The following CHST9 variants were observed in gnomAD, a reference collection of about 807,000 sequenced individuals.
CHST9 encodes the protein carbohydrate sulfotransferase 9.
A neutral mutation model predicts 44.4 loss-of-function variants in CHST9; 41 were observed. The observed-to-expected ratio is 0.92, with a 90% CI of 0.72 to 1.20. CHST9 has a LOEUF of 1.20. CHST9 is among the 50% of genes most tolerant of loss of function. The pLI is 0.00. For missense variants in CHST9, 504 were observed against 516.5 expected (o/e 0.98, Z 0.23); for synonymous variants, 171 against 178.4 (o/e 0.96, Z 0.33).
intron 2 of CHST9, among the ~76,000 whole-genome samples, chr18:27,141,513 C>T (rs1282419195): frequency 6.9e-6 from 1 of 144,290 alleles, no homozygotes. Flanking sequence ...ATCACTTGAA[C>T]CTGGGAGGCA....
At chr18:27,111,768 C>A (rs908566796) in intron 2 of CHST9, among the ~76,000 whole-genome samples, 3 of 152,190 alleles carry the variant, frequency 2.0e-5, no homozygotes, top group African/African-American at 7.2e-5. Context: ...CGACACATCA[C>A]CCTCCCCAAG....
At chr18:27,125,672 G>A (rs766271088) in intron 2 of CHST9, among the ~76,000 whole-genome samples, 2 of 152,186 alleles carry the variant, frequency 1.3e-5, no homozygotes, top group African/African-American at 2.4e-5. Flanking sequence ...CAATGGGAAA[G>A]AAGAAAATGG....
intron 2 of CHST9, among the ~76,000 whole-genome samples, chr18:27,102,392 G>A (rs1369752137): frequency 6.6e-6 from 1 of 152,100 alleles, no homozygotes; most frequent in Non-Finnish European, 1.5e-5. Context: ...GAGAAACAAG[G>A]GCTGTGATTT....
intron 4 of CHST9, among the ~76,000 whole-genome samples, chr18:27,023,162 G>A (rs2057245377): frequency 6.6e-6 from 1 of 152,078 alleles, no homozygotes; most frequent in South Asian, 2.1e-4. Flanking sequence ...CCTGCCATGT[G>A]AGATCATGAA....
chr18:27,081,954 T>C (rs992841718), intron 2 of CHST9, among the ~76,000 whole-genome samples: 14 of 152,182 alleles, frequency 9.2e-5, no homozygotes, highest in Middle Eastern at 3.2e-3. Context: ...AAGCTTTCTA[T>C]CTCCAAGATG....
rs201611195 is a variant in CHST9 at position 27,064,056 on chromosome 18, C to CT, written c.122-15554dup. Among the ~76,000 whole-genome samples the CT allele has an allele frequency of 2.2e-3, 332 of 151,204 alleles. 2 individuals carry two copies. Among genetic ancestry groups the CT allele is most frequent in the Admixed American group, 0.019 (295 of 15,142 alleles). On this transcript the variant is annotated intron_variant, in intron 2 of 5. Transcript: ENST00000618847. ...AATACCTATGGGCTATATACAGAGA[C>CT]TTTTTTTTTAAGCTCTGTTGTGACA...
intron 4 of CHST9, among the ~76,000 whole-genome samples, chr18:27,021,767 G>A (rs768909110): frequency 2.0e-5 from 3 of 152,144 alleles, no homozygotes; most frequent in Non-Finnish European, 2.9e-5. Flanking sequence ...TATCTTTAAT[G>A]CTCTCAGTAA....
At chr18:26,954,300 T>C (rs965953962) in intron 4 of CHST9, among the ~76,000 whole-genome samples, 2 of 152,194 alleles carry the variant, frequency 1.3e-5, no homozygotes, top group African/African-American at 4.8e-5. Context: ...AAGAAGTCCA[T>C]GGGTAGCAGG....
chr18:27,027,085 G>T (rs746036738), intron 3 of CHST9, among the ~76,000 whole-genome samples: 2 of 152,152 alleles, frequency 1.3e-5, no homozygotes, highest in Non-Finnish European at 2.9e-5. Context: ...ACAGCACTGA[G>T]CCAGGTAGAG....
At chr18:27,118,689 C>T (rs943768737) in intron 2 of CHST9, among the ~76,000 whole-genome samples, 11 of 152,198 alleles carry the variant, frequency 7.2e-5, no homozygotes, top group Non-Finnish European at 1.5e-4. Flanking sequence ...CCCTATGGCC[C>T]CTGAGGCCAT....
chr18:27,033,863 G>A (rs1351625286), intron 3 of CHST9, among the ~76,000 whole-genome samples: 1 of 152,128 alleles, frequency 6.6e-6, no homozygotes, highest in Admixed American at 6.5e-5. Context: ...TTCCAAACAT[G>A]CTCCGGCTCC....
At chr18:27,041,698 T>TAC (rs1386580039) in intron 3 of CHST9, among the ~76,000 whole-genome samples, 1 of 152,168 alleles carries the variant, frequency 6.6e-6, no homozygotes, top group East Asian at 1.9e-4. Context: ...CTAGTCTGCA[T>TAC]ACACACACTC....
At chr18:27,176,108 T>C (rs935585280) in intron 1 of CHST9, among the ~76,000 whole-genome samples, 5 of 151,970 alleles carry the variant, frequency 3.3e-5, no homozygotes, top group African/African-American at 1.2e-4. Flanking sequence ...GCCAGGCAGC[T>C]GAAGCTGAGG....
intron 4 of CHST9, among the ~76,000 whole-genome samples, chr18:26,965,882 G>A: frequency 6.6e-6 from 1 of 152,162 alleles, no homozygotes; most frequent in Non-Finnish European, 1.5e-5. Flanking sequence ...GGACAAGAAA[G>A]GGTGTCAAAG....
At chr18:27,015,323 T>TTGTGTGTGTGTGTGTG (rs10690815) in intron 4 of CHST9, among the ~76,000 whole-genome samples, 59 of 146,450 alleles carry the variant, frequency 4.0e-4, no homozygotes, top group African/African-American at 1.4e-3. Context: ...AGAGAGGCAG[T>TTGTGTGTGTGTGTGTG]TGTGTGTGTG....
At chr18:26,999,816 A>C (rs2056928111) in intron 4 of CHST9, among the ~76,000 whole-genome samples, 1 of 152,200 alleles carries the variant, frequency 6.6e-6, no homozygotes, top group African/African-American at 2.4e-5. Flanking sequence ...TATTATCTAA[A>C]TATTAAGGGA....
rs1568099156 is a variant in CHST9, at chr18:26,936,108, T to C, written c.240+8221A>G. On this transcript the variant is annotated intron_variant, in intron 5 of 5. Transcript: ENST00000618847. ...ATCAAATTTAAGAGAAGTCCGTAGATAGATATCTGAGGGATCTGCCTTAGG... is the reference window on the plus strand; with the variant it reads ...ATCAAATTTAAGAGAAGTCCGTAGACAGATATCTGAGGGATCTGCCTTAGG... The C allele has an allele frequency of 2.6e-5, 4 of 152,180 alleles. No homozygotes were observed. The South Asian group carries it at 6.2e-4, about 24-fold the overall frequency. 9.4% of individuals were successfully genotyped at this position (152,180 alleles called of 1,614,324 possible).
chr18:27,030,809 C>G (rs1376612518), intron 3 of CHST9, among the ~76,000 whole-genome samples: 1 of 152,208 alleles, frequency 6.6e-6, no homozygotes, highest in African/African-American at 2.4e-5. Context: ...CCTGATTCTT[C>G]AGCGATCTCA....
At chr18:26,943,595 T>C (rs1216454309) in intron 5 of CHST9, among the ~76,000 whole-genome samples, 2 of 152,224 alleles carry the variant, frequency 1.3e-5, no homozygotes, top group African/African-American at 2.4e-5. Context: ...CACAGGTCAA[T>C]GTCTGCATTC....
Sources: allele counts gnomAD v4.1 joint callset (sites outside exome capture counted in the v4.1 genomes callset), GRCh38; gene constraint gnomAD v4.1.1; transcripts MANE v1.5; gene names NCBI Gene and HGNC (gene_info 2026-07-23, HGNC 2026-07-21).